The following RPTOR variants were observed in gnomAD, a reference collection of about 807,000 sequenced individuals.
RPTOR encodes the protein regulatory-associated protein of mTOR.
RPTOR carries 21 observed loss-of-function variants against 169.9 expected under a neutral mutation model. The observed-to-expected ratio is 0.12, with a 90% confidence interval of 0.09 to 0.18. The LOEUF (loss-of-function observed/expected upper bound fraction) is 0.18, where lower values mean the gene tolerates loss of function less well. RPTOR is among the 10% of genes least tolerant of loss of function. RPTOR has a pLI of 1.00. For synonymous variants in RPTOR, 732 were observed against 753.2 expected (o/e 0.97, Z 0.46); for missense variants, 1,133 against 1,855.9 (o/e 0.61, Z 7.16).
intron 4 of RPTOR, among the ~76,000 whole-genome samples, chr17:80,725,514 A>G (rs1397162312): frequency 2.0e-5 from 3 of 152,218 alleles, no homozygotes; most frequent in African/African-American, 7.2e-5. Context: ...TTCCGTGTAT[A>G]CAGGGGGCTT....
chr17:80,766,921 A>G (rs2066793435), intron 6 of RPTOR, among the ~76,000 whole-genome samples: 1 of 152,220 alleles, frequency 6.6e-6, no homozygotes, highest in Non-Finnish European at 1.5e-5. Context: ...GTTGACCCCA[A>G]AATTTGTAAA....
intron 21 of RPTOR, 24 bp downstream of exon 21, chr17:80,908,953 G>A (rs373941221): frequency 1.1e-5 from 16 of 1,521,046 alleles, no homozygotes; most frequent in Middle Eastern, 3.7e-4. Flanking sequence ...GCTCCCCACC[G>A]CGCTCCAGCT....
chr17:80,718,564 G>C (rs1430275450), intron 4 of RPTOR, among the ~76,000 whole-genome samples: 1 of 152,234 alleles, frequency 6.6e-6, no homozygotes, highest in East Asian at 1.9e-4. Flanking sequence ...GGCAGGCAAG[G>C]TTGGAGGGGG....
chr17:80,904,913 T>A (rs2068521194), intron 20 of RPTOR, among the ~76,000 whole-genome samples: 1 of 152,172 alleles, frequency 6.6e-6, no homozygotes, highest in African/African-American at 2.4e-5. Context: ...CTGGCAAAAA[T>A]TAGATTTTTT....
chr17:80,559,122 G>A (rs950784175), intron 1 of RPTOR, among the ~76,000 whole-genome samples: 2 of 151,992 alleles, frequency 1.3e-5, no homozygotes, highest in Non-Finnish European at 2.9e-5. Flanking sequence ...CTTGGTAACC[G>A]CTCTTCTGCT....
At chr17:80,791,334 G>C in intron 6 of RPTOR, 116 bp from the exon 7 acceptor site, 1 of 761,250 alleles carries the variant, frequency 1.3e-6, no homozygotes, top group Non-Finnish European at 2.1e-6. Flanking sequence ...GAGTGTACTT[G>C]TTCACCGTGG....
At chr17:80,763,584 G>A (rs2066756462) in intron 6 of RPTOR, among the ~76,000 whole-genome samples, 2 of 152,324 alleles carry the variant, frequency 1.3e-5, no homozygotes, top group South Asian at 2.1e-4. Flanking sequence ...AGGAAGCAAC[G>A]TAAATACGAC....
At chr17:80,868,031 C>G (rs776713788) in intron 13 of RPTOR, among the ~76,000 whole-genome samples, 2 of 152,102 alleles carry the variant, frequency 1.3e-5, no homozygotes, top group Non-Finnish European at 2.9e-5. Flanking sequence ...CCACAGTACT[C>G]AAGATCGGAA....
At chr17:80,575,572 G>A (rs1460065854) in intron 1 of RPTOR, among the ~76,000 whole-genome samples, 2 of 152,148 alleles carry the variant, frequency 1.3e-5, no homozygotes, top group African/African-American at 2.4e-5. Flanking sequence ...GTGTGCACAC[G>A]TGTGCATACA....
chr17:80,568,738 T>C (rs2064871845), intron 1 of RPTOR, among the ~76,000 whole-genome samples: 1 of 152,242 alleles, frequency 6.6e-6, no homozygotes, highest in Admixed American at 6.5e-5. Context: ...CCACTGAGGA[T>C]CCCCATTCCC....
chr17:80,570,092 C>G (rs2064887594), intron 1 of RPTOR, among the ~76,000 whole-genome samples: 1 of 152,114 alleles, frequency 6.6e-6, no homozygotes, highest in Admixed American at 6.6e-5. Context: ...CTGTGGCCAT[C>G]ATGAACTCAG....
At chr17:80,698,221 T>C (rs1598232986) in intron 3 of RPTOR, among the ~76,000 whole-genome samples, 1 of 152,112 alleles carries the variant, frequency 6.6e-6, no homozygotes, top group African/African-American at 2.4e-5. Flanking sequence ...ACAGGCCAGG[T>C]AGGCCGAGTG....
At chr17:80,945,149 G>A (rs2069083680) in intron 25 of RPTOR, among the ~76,000 whole-genome samples, 1 of 151,938 alleles carries the variant, frequency 6.6e-6, no homozygotes, top group Non-Finnish European at 1.5e-5. Flanking sequence ...AAAAAAAGTA[G>A]CCAGGTGTGG....
chr17:80,686,691 G>T (rs2065950687), intron 3 of RPTOR, among the ~76,000 whole-genome samples: 3 of 152,082 alleles, frequency 2.0e-5, no homozygotes, highest in Non-Finnish European at 4.4e-5. Flanking sequence ...TTCTAACGAG[G>T]CCGGTGTCTC....
chr17:80,557,441 C>T (rs569540802), intron 1 of RPTOR, among the ~76,000 whole-genome samples: 12 of 151,846 alleles, frequency 7.9e-5, no homozygotes, highest in East Asian at 1.9e-4. Context: ...CGCTTGAACC[C>T]GGGAGGTGGA....
chr17:80,672,001 T>C (rs2065825346), intron 3 of RPTOR, among the ~76,000 whole-genome samples: 1 of 152,222 alleles, frequency 6.6e-6, no homozygotes, highest in African/African-American at 2.4e-5. Context: ...AATCTATTGC[T>C]TCTTTTTAAA....
chr17:80,715,407 A>T (rs901707015), intron 4 of RPTOR, among the ~76,000 whole-genome samples: 1 of 152,222 alleles, frequency 6.6e-6, no homozygotes, highest in African/African-American at 2.4e-5. Context: ...GAATAGCCCT[A>T]TATCAATCGG....
intron 6 of RPTOR, among the ~76,000 whole-genome samples, chr17:80,780,346 C>T (rs779232620): frequency 5.9e-5 from 9 of 152,020 alleles, no homozygotes; most frequent in Non-Finnish European, 1.0e-4. Context: ...AGGGGTCCAG[C>T]GAGAGACAGG....
intron 7 of RPTOR, among the ~76,000 whole-genome samples, chr17:80,817,694 C>G (rs2067338295): frequency 6.6e-6 from 1 of 152,144 alleles, no homozygotes; most frequent in Non-Finnish European, 1.5e-5. Flanking sequence ...GCTGTGATCC[C>G]TCAGGCATCT....
Sources: gnomAD v4.1 joint callset for allele counts (sites outside exome capture counted in the v4.1 genomes callset) on GRCh38, gnomAD v4.1.1 for gene constraint, MANE v1.5 for transcripts, NCBI Gene and HGNC (gene_info 2026-07-23, HGNC 2026-07-21) for gene names.